Variants in VPS37B observed in about 807,000 individuals in gnomAD.
VPS37B encodes VPS37B subunit of ESCRT-I, also known as vacuolar protein sorting-associated protein 37B.
In VPS37B, 11 loss-of-function variants were observed where a neutral mutation model predicts 21.2. That is an observed-to-expected ratio of 0.52 (90% CI 0.33 to 0.86). The LOEUF is 0.86. VPS37B is among the 40% of genes least tolerant of loss of function. The pLI is 0.03. For synonymous variants in VPS37B, 175 were observed against 159.6 expected (o/e 1.10, Z -0.73); for missense variants, 389 against 374.8 (o/e 1.04, Z -0.31).
intron 1 of VPS37B, chr12:122,873,142 G>C (rs184804005): frequency 6.6e-6 from 1 of 152,204 alleles, no homozygotes; most frequent in Admixed American, 6.5e-5. Flanking sequence ...GGATTTGCAC[G>C]GGGACGGAGC....
At chr12:122,892,476 CA>C (rs918064004) in intron 1 of VPS37B, among the ~76,000 whole-genome samples, 1 of 150,144 alleles carries the variant, frequency 6.7e-6, no homozygotes, top group African/African-American at 2.5e-5. Flanking sequence ...CCTTACTCTA[CA>C]ATTTAAAACA....
Position 122,872,118 on chromosome 12 carries a change from G to C in VPS37B, c.112-1057C>G, listed in dbSNP as rs1326205788. The stretch of plus-strand genomic sequence containing the variant: ...GCGACTTCCTTCCTCTTAGTAGCTC[G>C]AGTATAGATTCCTGGCCATGCTGCC... On this transcript the variant is annotated intron_variant, in intron 1 of 3. Coordinates refer to ENST00000267202, the MANE Select transcript of VPS37B (RefSeq NM_024667.3). 4.1e-6 allele frequency: 4 copies of C among 985,318 alleles called. No homozygotes were observed. The African/African-American group carries it at 5.2e-5, about 13-fold the overall frequency. The allele number at this position is 985,318 out of a possible 1,614,324, so 61.0% of individuals were successfully genotyped here.
intron 1 of VPS37B, among the ~76,000 whole-genome samples, chr12:122,890,746 A>G (rs191084760): frequency 2.3e-3 from 346 of 152,316 alleles, no homozygotes; most frequent in African/African-American, 8.1e-3. Context: ...CATTCATATT[A>G]TTATGCCACC....
At chr12:122,876,933 G>C (rs1272591882) in intron 1 of VPS37B, 1 of 152,202 alleles carries the variant, frequency 6.6e-6, no homozygotes, top group Non-Finnish European at 1.5e-5. Context: ...TGGGTCAAGG[G>C]TGTAGGTTTC....
Position 122,867,065 on chromosome 12 carries a change from A to C in VPS37B, c.*51T>G. 1 of 1,473,442 alleles carries C rather than the reference A, an allele frequency of 6.8e-7. No individual in the cohort carries two copies. Among genetic ancestry groups the C allele is most frequent in the Non-Finnish European group, 9.0e-7 (1 of 1,114,338 alleles). 91.3% of individuals were successfully genotyped at this position (1,473,442 alleles called of 1,614,324 possible). On this transcript the variant is annotated 3_prime_UTR_variant, in exon 4 of 4. Transcript: ENST00000267202. This position sits in a 1 kb window ranked among gnomAD's most constrained non-coding sequence, Gnocchi z 5.5. ...CCTCCAGCCTCCTTCCCGTGAGCAGAGCACAACACGCCAGGTGGAAGAAGT... is the reference window on the plus strand; with the variant it reads ...CCTCCAGCCTCCTTCCCGTGAGCAGCGCACAACACGCCAGGTGGAAGAAGT...
intron 1 of VPS37B, among the ~76,000 whole-genome samples, chr12:122,893,835 A>G (rs2034451414): frequency 6.6e-6 from 1 of 152,014 alleles, no homozygotes; most frequent in Non-Finnish European, 1.5e-5. Context: ...AAAAAAAAAA[A>G]AAAAAAAAAA....
At position 122,866,874 on chromosome 12, in the gene VPS37B, C is replaced by T. The variant is rs993426253; in HGVS notation, c.*242G>A. 2.1e-5 allele frequency: 9 copies of T among 427,658 alleles called. No homozygotes were observed. Among genetic ancestry groups the T allele is most frequent in the African/African-American group, 4.1e-5 (2 of 49,014 alleles). 26.5% of individuals were successfully genotyped at this position (427,658 alleles called of 1,614,324 possible). A position where few individuals can be genotyped will look rare whatever the true frequency, so the allele number is the denominator to read the frequency against. On this transcript the variant is annotated 3_prime_UTR_variant, in exon 4 of 4. Coordinates refer to ENST00000267202, the MANE Select transcript of VPS37B (RefSeq NM_024667.3). ...AACGCTAAGATACTTAGAAATCACA[C>T]GGATAATGCAAACCGATGCAACGCA... is the stretch of plus-strand genomic sequence containing the variant.
In VPS37B at chr12:122,896,008, T is replaced by G; in HGVS notation, c.55A>C (p.Asn19His). 1 of 1,603,410 alleles carries G rather than the reference T, an allele frequency of 6.2e-7. No individual in the cohort carries two copies. Among genetic ancestry groups the G allele is most frequent in the East Asian group, 2.3e-5 (1 of 43,040 alleles). Residue 19 changes from asparagine to histidine, a missense_variant, in exon 1 of 4, where the codon AAC becomes CAC. Coordinates refer to ENST00000267202, the MANE Select transcript of VPS37B (RefSeq NM_024667.3). ...RFAGLSLVQLNELLEDEGQLT... is the reference protein window; with the variant it reads ...RFAGLSLVQLHELLEDEGQLT... ...TGGCCCTCGTCCTCCAGCAGCTCGT[T>G]GAGCTGCACCAGCGACAGCCCGGCG...
In VPS37B at chr12:122,896,041, C is replaced by T; in HGVS notation, c.22G>A (p.Ala8Thr). 6.3e-7 allele frequency: 1 copy of T among 1,586,194 alleles called. No homozygotes were observed. Among genetic ancestry groups the T allele is most frequent in the South Asian group, 1.1e-5 (1 of 89,456 alleles). ...ACCAGCGACAGCCCGGCGAACCGGG[C>T]TTCGCTCCCGGCGCCCGCCATCCCC... MAGAGSE[A>T]RFAGLSLVQL... Residue 8 changes from alanine (A) to threonine (T), a missense_variant, in exon 1 of 4, where the codon GCC becomes ACC. Physicochemically the swap from Ala to Thr is moderately conservative, Grantham distance 58. Transcript: ENST00000267202.
At chr12:122,895,870 C>A in intron 1 of VPS37B, 82 bp downstream of exon 1, 1 of 1,304,958 alleles carries the variant, frequency 7.7e-7, no homozygotes, top group South Asian at 1.2e-5. Context: ...GCGCCGCGGT[C>A]GCCTCCGCCT....
chr12:122,882,110 C>T (rs1463092385), intron 1 of VPS37B: 1 of 152,094 alleles, frequency 6.6e-6, no homozygotes, highest in Non-Finnish European at 1.5e-5. Flanking sequence ...TCAATTTCTT[C>T]TATAAAAAAC....
At chr12:122,890,323 G>C (rs1317990313) in intron 1 of VPS37B, among the ~76,000 whole-genome samples, 1 of 149,360 alleles carries the variant, frequency 6.7e-6, no homozygotes, top group African/African-American at 2.5e-5. Context: ...ATGTCATTTA[G>C]AATTCACACG....
At chr12:122,882,884 T>G (rs1377904301) in intron 1 of VPS37B, 2 of 152,256 alleles carry the variant, frequency 1.3e-5, no homozygotes, top group Non-Finnish European at 2.9e-5. Flanking sequence ...GGCCCTTAGA[T>G]GTGCTGTAAA....
In VPS37B at chr12:122,896,083, C is replaced by A. The variant is rs2034490675; in HGVS notation, c.-21G>T. The A allele has an allele frequency of 6.4e-7, 1 of 1,552,832 alleles. No individual in the cohort carries two copies. Among genetic ancestry groups the A allele is most frequent in the South Asian group, 1.1e-5 (1 of 87,014 alleles). ...GCCATCCCCACGTCTCGGCCGTCGTCGCCACCGCCGCTGCGGCCACCAGGC... is the reference window on the plus strand; with the variant it reads ...GCCATCCCCACGTCTCGGCCGTCGTAGCCACCGCCGCTGCGGCCACCAGGC... On this transcript the variant is annotated 5_prime_UTR_variant, in exon 1 of 4. Transcript: ENST00000267202.
chr12:122,891,495 G>C (rs745439379), intron 1 of VPS37B, among the ~76,000 whole-genome samples: 1 of 152,106 alleles, frequency 6.6e-6, no homozygotes, highest in Non-Finnish European at 1.5e-5. Context: ...CCTCACTTAA[G>C]GATAAAATGA....
Position 122,868,402 on chromosome 12 carries a change from C to A in VPS37B, c.366+78G>T. ...CACTCCTGGCCGTGGCGGTGTGGCA[C>A]TCACGGTCCCTGGAGGCAGCGGGCC... On this transcript the variant is annotated intron_variant, in intron 3 of 3. Transcript: ENST00000267202. The surrounding 1 kb of genome is among the most constrained non-coding windows in gnomAD (Gnocchi z 5.5). 7.3e-7 allele frequency: 1 copy of A among 1,371,666 alleles called. No individual in the cohort carries two copies. Among genetic ancestry groups the A allele is most frequent in the Non-Finnish European group, 1.0e-6 (1 of 979,680 alleles). 85.0% of individuals were successfully genotyped at this position (1,371,666 alleles called of 1,614,324 possible). A position where few individuals can be genotyped will look rare whatever the true frequency, so the allele number is the denominator to read the frequency against.
chr12:122,876,729 A>AC (rs1334153373), intron 1 of VPS37B: 24 of 151,598 alleles, frequency 1.6e-4, no homozygotes, highest in African/African-American at 5.4e-4. Flanking sequence ...GAAAAAAAAA[A>AC]AACACACACA....
chr12:122,882,836 C>T (rs2034266083), intron 1 of VPS37B: 1 of 152,214 alleles, frequency 6.6e-6, no homozygotes, highest in African/African-American at 2.4e-5. Context: ...CACCTGAATT[C>T]AGGTCTTCAG....
At chr12:122,875,617 A>T (rs937116354) in intron 1 of VPS37B, 8 of 152,132 alleles carry the variant, frequency 5.3e-5, no homozygotes, top group African/African-American at 1.9e-4. Context: ...GGGAGGAGAA[A>T]CAACAGCTTT....
Sources: gnomAD v4.1 joint callset for allele counts (sites outside exome capture counted in the v4.1 genomes callset) on GRCh38, gnomAD v4.1.1 for gene constraint, Gnocchi (gnomAD v3.1) non-coding constraint, MANE v1.5 for transcripts, NCBI Gene and HGNC (gene_info 2026-07-23, HGNC 2026-07-21) for gene names.